RPL7: variants seen among roughly 807,000 people sequenced by gnomAD.
RPL7 encodes large ribosomal subunit protein uL30.
For synonymous variants in RPL7, 100 were observed against 102.2 expected (o/e 0.98, Z 0.13); for missense variants, 205 against 301.9 (o/e 0.68, Z 2.38).
At position 73,291,862 on chromosome 8, in the gene RPL7, G is replaced by A. The variant is rs1586181511; in HGVS notation, c.339C>T (p.Arg113=). ...PKVRKVLQLL[R]LRQIFNGTFV... is the part of the protein sequence containing the mutation. ...AGGTTCCATTGAAGATTTGACGAAG[G>A]CGAAGAAGCTGCAACACCTTTCGAA... Residue 113 remains arginine (R), a synonymous_variant, in exon 4 of 7, where the codon CGC becomes CGT. Coordinates refer to ENST00000352983, the MANE Select transcript of RPL7 (RefSeq NM_000971.4). The A allele has an allele frequency of 3.1e-6, 5 of 1,613,210 alleles. No homozygotes were observed. The highest frequency in any genetic ancestry group is 4.2e-6 in the Non-Finnish European group (5 of 1,179,180).
At chr8:73,293,797 C>G (rs1321871482), upstream of RPL7, 1 of 663,318 alleles carries the variant, frequency 1.5e-6, no homozygotes, top group South Asian at 1.9e-5. Context: ...TCGGGTAAAA[C>G]TTGTTTGAAG....
upstream of RPL7, chr8:73,293,828 G>C (rs1420552054): frequency 7.0e-6 from 4 of 571,124 alleles, no homozygotes; most frequent in Non-Finnish European, 1.3e-5. Flanking sequence ...CATTTGATTA[G>C]ACTTTTTAAT....
rs1563543422 is a variant in RPL7, at chr8:73,292,336, A to G, written c.193T>C (p.Tyr65His). ...CTCGCCATTCGAATTTCAGTTCTGT[A>G]CATCTGCCTATATTCCTTGTGATAG... Reference protein sequence around the residue: ...KHYHKEYRQMYRTEIRMARMA... With the variant: ...KHYHKEYRQMHRTEIRMARMA... The change falls in exon 3 of 7, where the codon TAC (tyrosine) becomes CAC (histidine). Residue 65 changes from tyrosine (Y) to histidine (H), a missense_variant. Tyr to His is a moderately conservative substitution (Grantham distance 83, BLOSUM62 2). Transcript: ENST00000352983. The G allele has an allele frequency of 6.2e-7, 1 of 1,606,318 alleles. No homozygotes were observed.
chr8:73,293,492 G>A (rs897200160), intron 1 of RPL7, 107 bp downstream of exon 1: 18 of 1,362,208 alleles, frequency 1.3e-5, no homozygotes, highest in Non-Finnish European at 1.9e-5. Flanking sequence ...ATCAAGCAGG[G>A]AGGTGGGCAA....
intron 3 of RPL7, 141 bp from the exon 4 acceptor site, chr8:73,292,051 TAA>T (rs1328047343): frequency 7.9e-7 from 1 of 1,264,082 alleles, no homozygotes; most frequent in Non-Finnish European, 1.1e-6. Flanking sequence ...TGTATTCTAT[TAA>T]GAGAAGGGAT....
At chr8:73,290,845 C>A (rs1285463067) in intron 6 of RPL7, 140 bp from the exon 7 acceptor site, 2 of 567,436 alleles carry the variant, frequency 3.5e-6, no homozygotes, top group Non-Finnish European at 6.3e-6. Context: ...CCAAAACAGG[C>A]TTTTCCTTTC....
chr8:73,290,776 T>C (rs936914414), intron 6 of RPL7, 71 bp from the exon 7 acceptor site: 2 of 404,870 alleles, frequency 4.9e-6, no homozygotes, highest in Non-Finnish European at 8.9e-6. Flanking sequence ...TAGGCAGTTA[T>C]AAAGTAATGA....
chr8:73,292,704 C>T lies in RPL7; in HGVS notation c.108G>A (p.Lys36=). 1 of 1,612,596 alleles carries T rather than the reference C, an allele frequency of 6.2e-7. No homozygotes were observed. The highest frequency in any genetic ancestry group is 8.5e-7 in the Non-Finnish European group (1 of 1,179,612). Residue 36 remains lysine (K), a synonymous_variant, in exon 2 of 7, where the codon AAG becomes AAA. Transcript: ENST00000352983. ...AELKIKRLRK[K]FAQKMLRKAR... is the part of the protein sequence containing the mutation. Reference sequence around the variant, plus strand: ...GTTTACTTACCATCTTTTGGGCAAACTTCTTTCTCAGGCGCTTGATCTTCA... The same window carrying T: ...GTTTACTTACCATCTTTTGGGCAAATTTCTTTCTCAGGCGCTTGATCTTCA...
chr8:73,290,987 T>C (rs745366060), intron 6 of RPL7, 56 bp downstream of exon 6: 81 of 1,331,352 alleles, frequency 6.1e-5, no homozygotes, highest in Non-Finnish European at 8.4e-5. Flanking sequence ...TATTCAAGAT[T>C]ACCACCACTT....
chr8:73,291,476 G>T, intron 5 of RPL7, 76 bp downstream of exon 5: 1 of 1,104,204 alleles, frequency 9.1e-7, no homozygotes, highest in Non-Finnish European at 1.3e-6. Context: ...TCACAATAGT[G>T]AGAAATGTAC....
rs2070764 is a variant in RPL7 at position 73,292,418 on chromosome 8, A to C, written c.124-13T>G. 2 of 1,586,140 alleles carry C rather than the reference A, an allele frequency of 1.3e-6. No homozygotes were observed. The highest frequency in any genetic ancestry group is 1.3e-5 in the African/African-American group (1 of 74,348). ...TTGCCTTTCGAAGCTGAAAACCAAT[A>C]ATCAGTTATTCATAATTTTTAGCTC... On this transcript the variant is annotated splice_polypyrimidine_tract_variant and intron_variant, in intron 2 of 6. Transcript: ENST00000352983.
upstream of RPL7, chr8:73,294,325 C>G (rs1326124982): frequency 6.5e-6 from 1 of 152,940 alleles, no homozygotes; most frequent in Non-Finnish European, 1.5e-5. Context: ...GGCCGGGGCT[C>G]TGCTGACTGC....
rs1814077132 is a variant in RPL7, at chr8:73,290,725, C to A, written c.*2-20G>T. 4.3e-6 allele frequency: 1 copy of A among 232,754 alleles called. No individual in the cohort carries two copies. Among genetic ancestry groups the A allele is most frequent in the South Asian group, 8.9e-5 (1 of 11,240 alleles). The allele number at this position is 232,754 out of a possible 1,614,324, so 14.4% of individuals were successfully genotyped here. On this transcript the variant is annotated intron_variant, in intron 6 of 6. Coordinates refer to ENST00000352983, the MANE Select transcript of RPL7 (RefSeq NM_000971.4). ...AGACACCTGAAAGGAAAAAAGAAAA[C>A]CATTAGAAAACACTTTAGGCAGCTA...
At chr8:73,292,139 A>G in intron 3 of RPL7, 100 bp downstream of exon 3, 3 of 1,251,380 alleles carry the variant, frequency 2.4e-6, no homozygotes, top group Non-Finnish European at 3.4e-6. Context: ...CCCCTAAAAT[A>G]TTGTTACTCC....
upstream of RPL7, chr8:73,293,803 T>C: frequency 1.6e-6 from 1 of 641,264 alleles, no homozygotes; most frequent in Admixed American, 2.9e-5. Context: ...AAAACTTGTT[T>C]GAAGAAAATA....
intron 5 of RPL7, 31 bp from the exon 6 acceptor site, chr8:73,291,283 A>T (rs1814088394): frequency 6.6e-7 from 1 of 1,525,736 alleles, no homozygotes; most frequent in Non-Finnish European, 8.9e-7. Context: ...TAAGATTATT[A>T]AAGTTGCAAA....
intron 1 of RPL7, 106 bp downstream of exon 1, chr8:73,293,493 A>G (rs1814163110): frequency 7.4e-7 from 1 of 1,352,248 alleles, no homozygotes; most frequent in African/African-American, 1.4e-5. Context: ...TCAAGCAGGG[A>G]GGTGGGCAAA....
At chr8:73,293,424 G>A (rs1452177708) in intron 1 of RPL7, 175 bp downstream of exon 1, 8 of 739,862 alleles carry the variant, frequency 1.1e-5, no homozygotes, top group Middle Eastern at 3.9e-4. Flanking sequence ...TCCGTCCTAA[G>A]ACCGCCCGCA....
chr8:73,291,631 T>G lies in RPL7; in HGVS notation c.459A>C (p.Leu153=). ...TTTTGCCATAACCACGCTTGTAGAT[T>G]AGTTCATTTACTGACTTCAGATTGG... ...GYPNLKSVNE[L]IYKRGYGKIN... Residue 153 remains leucine, a synonymous_variant, in exon 5 of 7, where the codon CTA becomes CTC. Coordinates refer to ENST00000352983, the MANE Select transcript of RPL7 (RefSeq NM_000971.4). 7.5e-6 allele frequency: 12 copies of G among 1,596,304 alleles called. No homozygotes were observed. Among genetic ancestry groups the G allele is most frequent in the Non-Finnish European group, 1.0e-5 (12 of 1,165,118 alleles).
Sources: allele counts gnomAD v4.1 joint callset, GRCh38; gene constraint gnomAD v4.1.1; transcripts MANE v1.5; gene names NCBI Gene and HGNC (gene_info 2026-07-23, HGNC 2026-07-21).